NTNG1: variants seen among roughly 807,000 people sequenced by gnomAD.
The protein encoded by NTNG1 is netrin G1.
Under a neutral mutation model 54.0 loss-of-function variants are expected in NTNG1, and 16 were observed. The ratio of observed to expected loss-of-function variants is 0.30; its 90% CI spans 0.20 to 0.45. The LOEUF (loss-of-function observed/expected upper bound fraction) is 0.45, where lower values mean the gene tolerates loss of function less well. NTNG1 is among the 20% of genes least tolerant of loss of function. The pLI is 1.00. For synonymous variants in NTNG1, 255 were observed against 263.1 expected (o/e 0.97, Z 0.30); for missense variants, 530 against 678.7 (o/e 0.78, Z 2.43).
chr1:107,183,516 C>T (rs1657222859), intron 2 of NTNG1, among the ~76,000 whole-genome samples: 1 of 151,966 alleles, frequency 6.6e-6, no homozygotes, highest in Admixed American at 6.6e-5. Context: ...GCCAAATGGT[C>T]CCCTTTCAAA....
At chr1:107,441,757 G>C (rs1341477850) in intron 7 of NTNG1, among the ~76,000 whole-genome samples, 1 of 152,060 alleles carries the variant, frequency 6.6e-6, no homozygotes. Context: ...TAATAATAAA[G>C]AATGTCAAAG....
intron 5 of NTNG1, among the ~76,000 whole-genome samples, chr1:107,426,692 A>G (rs940473619): frequency 3.3e-5 from 5 of 152,064 alleles, no homozygotes; most frequent in East Asian, 3.9e-4. Context: ...TATGAACTTC[A>G]GGATTGGTTT....
At chr1:107,354,337 C>A (rs1669810512) in intron 3 of NTNG1, among the ~76,000 whole-genome samples, 1 of 151,572 alleles carries the variant, frequency 6.6e-6, no homozygotes, top group Admixed American at 6.6e-5. Flanking sequence ...AGCGTGGTGG[C>A]AGGCACCTGT....
At chr1:107,330,437 G>A (rs1296813296) in intron 3 of NTNG1, among the ~76,000 whole-genome samples, 1 of 152,136 alleles carries the variant, frequency 6.6e-6, no homozygotes, top group Non-Finnish European at 1.5e-5. Context: ...TGCTCAAGTG[G>A]AGAATCCAGA....
Position 107,481,083 on chromosome 1 carries a change from T to C in NTNG1, c.*243T>C. ...GTTGATATTATCACTGCAAATCACA[T>C]TGCCAGCTGCAGAGCATATTGTGGA... is the stretch of plus-strand genomic sequence containing the variant. On this transcript the variant is annotated 3_prime_UTR_variant, in exon 8 of 8. Coordinates refer to ENST00000370068, the MANE Select transcript of NTNG1 (RefSeq NM_001113226.3). 4 of 499,432 alleles carry C rather than the reference T, an allele frequency of 8.0e-6. No homozygotes were observed. The highest frequency in any genetic ancestry group is 4.9e-4 in the Middle Eastern group (1 of 2,052). 30.9% of individuals were successfully genotyped at this position (499,432 alleles called of 1,614,324 possible).
chr1:107,349,726 T>C (rs985398860), intron 3 of NTNG1, among the ~76,000 whole-genome samples: 3 of 152,160 alleles, frequency 2.0e-5, no homozygotes, highest in African/African-American at 7.2e-5. Context: ...GTGTATGCCT[T>C]CTTCTGAGAC....
In NTNG1 at chr1:107,483,609, T is replaced by A. The variant is rs1421064998; in HGVS notation, c.*2769T>A. ...ACAAAGCTGGTTTCATCTACAATGT[T>A]GTGCCCTAAGAACAGGACTGGGGTG... On this transcript the variant is annotated 3_prime_UTR_variant, in exon 8 of 8. Coordinates refer to ENST00000370068, the MANE Select transcript of NTNG1 (RefSeq NM_001113226.3). Among the ~76,000 whole-genome samples the A allele has an allele frequency of 1.3e-5, 2 of 152,240 alleles. No individual in the cohort carries two copies. Among genetic ancestry groups the A allele is most frequent in the African/African-American group, 4.8e-5 (2 of 41,470 alleles).
chr1:107,425,893 C>G (rs147445760), intron 5 of NTNG1, among the ~76,000 whole-genome samples: 1 of 151,922 alleles, frequency 6.6e-6, no homozygotes, highest in Non-Finnish European at 1.5e-5. Flanking sequence ...TAAGATGGCA[C>G]GTTAGTGTGA....
At chr1:107,332,381 T>C (rs1668333669) in intron 3 of NTNG1, among the ~76,000 whole-genome samples, 1 of 152,054 alleles carries the variant, frequency 6.6e-6, no homozygotes, top group Non-Finnish European at 1.5e-5. Flanking sequence ...TTAAGCAAAA[T>C]ACCACAAAAT....
intron 7 of NTNG1, among the ~76,000 whole-genome samples, chr1:107,470,213 T>C (rs1466633178): frequency 6.6e-6 from 1 of 152,200 alleles, no homozygotes; most frequent in Non-Finnish European, 1.5e-5. Context: ...GTAACACAAA[T>C]ACTGAAATTT....
chr1:107,306,126 A>G (rs1666681882), intron 2 of NTNG1, among the ~76,000 whole-genome samples: 2 of 152,208 alleles, frequency 1.3e-5, no homozygotes, highest in African/African-American at 4.8e-5. Flanking sequence ...GATTACTTAA[A>G]CTACTACTAT....
intron 2 of NTNG1, among the ~76,000 whole-genome samples, chr1:107,274,751 A>G (rs1664356256): frequency 6.6e-6 from 1 of 152,172 alleles, no homozygotes; most frequent in Non-Finnish European, 1.5e-5. Context: ...AGGGTTTTAG[A>G]TGTGTTGGCT....
chr1:107,151,364 C>T (rs1425542581), intron 2 of NTNG1, among the ~76,000 whole-genome samples: 1 of 151,986 alleles, frequency 6.6e-6, no homozygotes, highest in Non-Finnish European at 1.5e-5. Flanking sequence ...ACTCCTTAGC[C>T]CAGGGTGTAA....
intron 5 of NTNG1, among the ~76,000 whole-genome samples, chr1:107,426,659 T>C (rs542761531): frequency 6.6e-6 from 1 of 151,944 alleles, no homozygotes; most frequent in African/African-American, 2.4e-5. Flanking sequence ...CTATTTGGGC[T>C]TTTTTTGGGG....
intron 2 of NTNG1, among the ~76,000 whole-genome samples, chr1:107,184,939 A>G (rs1445967340): frequency 1.3e-5 from 2 of 152,192 alleles, no homozygotes; most frequent in African/African-American, 4.8e-5. Context: ...GGAGAACTCA[A>G]CAGCTGGGGA....
rs559426019 is a variant in NTNG1 at position 107,210,086 on chromosome 1, G to T, written c.246+61247G>T. Among the ~76,000 whole-genome samples the T allele has an allele frequency of 5.9e-5, 9 of 152,258 alleles. No individual in the cohort carries two copies. In the South Asian group the frequency reaches 1.9e-3, roughly 32 times the overall value. ...GCACTTTGAGCAAAGGCTGCAATGA[G>T]ATGGAAACGTGAACAGTGAGGACAT... On this transcript the variant is annotated intron_variant, in intron 2 of 7. Transcript: ENST00000370068.
At chr1:107,441,087 G>A (rs1675932479) in intron 7 of NTNG1, among the ~76,000 whole-genome samples, 1 of 152,122 alleles carries the variant, frequency 6.6e-6, no homozygotes, top group African/African-American at 2.4e-5. Context: ...AGAGTCAACA[G>A]CTAGGTTCCA....
chr1:107,404,138 AAAGAG>A (rs1321403702), intron 4 of NTNG1, among the ~76,000 whole-genome samples: 37 of 151,386 alleles, frequency 2.4e-4, no homozygotes, highest in African/African-American at 8.2e-4. Flanking sequence ...TGTTTTTCTT[AAAGAG>A]AAGTCACAGA....
intron 2 of NTNG1, among the ~76,000 whole-genome samples, chr1:107,178,469 GT>G (rs34825898): frequency 6.1e-5 from 9 of 147,412 alleles, no homozygotes; most frequent in Admixed American, 6.8e-5. Context: ...CACCACCTGG[GT>G]TTTTTTTTTC....
Sources: allele counts gnomAD v4.1 joint callset (sites outside exome capture counted in the v4.1 genomes callset), GRCh38; gene constraint gnomAD v4.1.1; transcripts MANE v1.5; gene names NCBI Gene and HGNC (gene_info 2026-07-23, HGNC 2026-07-21).